KAZN: variants seen among roughly 807,000 people sequenced by gnomAD.
KAZN encodes kazrin, periplakin interacting protein.
A neutral mutation model predicts 87.4 loss-of-function variants in KAZN; 40 were observed. The ratio of observed to expected loss-of-function variants is 0.46; its 90% CI spans 0.36 to 0.60. The LOEUF (loss-of-function observed/expected upper bound fraction) is 0.60. Among genes scored for constraint, KAZN ranks in the 20% least tolerant of loss-of-function variants. KAZN has a pLI of 0.00. For synonymous variants in KAZN, 466 were observed against 458.3 expected (o/e 1.02, Z -0.22); for missense variants, 898 against 1,073.9 (o/e 0.84, Z 2.29).
chr1:14,177,541 A>G (rs1646105620), intron 1 of KAZN, among the ~76,000 whole-genome samples: 1 of 152,158 alleles, frequency 6.6e-6, no homozygotes, highest in Non-Finnish European at 1.5e-5. Context: ...TACATTGGCA[A>G]TTTCGGTTGG....
chr1:13,987,159 AT>A (rs926770509), intron 1 of KAZN, among the ~76,000 whole-genome samples: 16 of 150,110 alleles, frequency 1.1e-4, no homozygotes, highest in South Asian at 4.2e-4. Flanking sequence ...TTTTTGGTTA[AT>A]TTTTTTTTTA....
At chr1:14,510,614 G>T (rs1014580165) in intron 2 of KAZN, among the ~76,000 whole-genome samples, 1 of 152,192 alleles carries the variant, frequency 6.6e-6, no homozygotes, top group African/African-American at 2.4e-5. Context: ...TAAAGTCATT[G>T]AAGGGTCTTA....
chr1:14,583,695 T>G (rs1329206111), intron 2 of KAZN, among the ~76,000 whole-genome samples: 2 of 152,180 alleles, frequency 1.3e-5, no homozygotes, highest in Non-Finnish European at 2.9e-5. Context: ...CTTTAGTGGC[T>G]GATATTCCTG....
intron 2 of KAZN, among the ~76,000 whole-genome samples, chr1:14,458,003 T>C (rs931830951): frequency 1.3e-5 from 2 of 152,054 alleles, no homozygotes; most frequent in Admixed American, 6.6e-5. Flanking sequence ...TGTGTGTTTT[T>C]AGTAGAGTTA....
At chr1:14,077,196 A>G (rs1405131199) in intron 1 of KAZN, among the ~76,000 whole-genome samples, 1 of 152,008 alleles carries the variant, frequency 6.6e-6, no homozygotes, top group Admixed American at 6.6e-5. Context: ...TTCGTTCTTG[A>G]CAGTTCTTTG....
intron 1 of KAZN, among the ~76,000 whole-genome samples, chr1:14,146,300 C>T (rs1283135447): frequency 1.3e-5 from 2 of 151,522 alleles, no homozygotes; most frequent in Non-Finnish European, 2.9e-5. Context: ...TTTGGGAGGC[C>T]GAGGCAGGTG....
chr1:14,872,858 AGATGAATAGATGGGTG>A (rs1189190583), intron 1 of KAZN, among the ~76,000 whole-genome samples: 2 of 151,410 alleles, frequency 1.3e-5, no homozygotes, highest in Non-Finnish European at 2.9e-5. Flanking sequence ...ACGGATACAT[AGATGAATAGATGGGTG>A]GATGGATGGG....
intron 2 of KAZN, among the ~76,000 whole-genome samples, chr1:14,296,615 G>A (rs1490361565): frequency 6.9e-6 from 1 of 145,144 alleles, no homozygotes. Context: ...ATGTAGGGCT[G>A]AGTTTTTGTA....
At chr1:14,722,598 A>G (rs1053030) in intron 1 of KAZN, among the ~76,000 whole-genome samples, 26,554 of 152,146 alleles carry the variant, frequency 0.17, 2,571 homozygotes, top group Non-Finnish European at 0.21. Context: ...CCTTTGTAAA[A>G]TAAAATTTAC....
chr1:14,300,211 C>T (rs948180846), intron 2 of KAZN, among the ~76,000 whole-genome samples: 5 of 151,990 alleles, frequency 3.3e-5, no homozygotes, highest in African/African-American at 9.7e-5. Context: ...CTCGGAGCCT[C>T]GTTAGCATTT....
intron 2 of KAZN, among the ~76,000 whole-genome samples, chr1:14,414,343 GGA>G (rs1491122053): frequency 1.0e-5 from 1 of 99,836 alleles, no homozygotes; most frequent in Admixed American, 1.3e-4. Flanking sequence ...ATTTGTCATA[GGA>G]AAAAAAAAAA....
At chr1:14,313,645 T>C (rs926840791) in intron 2 of KAZN, among the ~76,000 whole-genome samples, 8 of 152,182 alleles carry the variant, frequency 5.3e-5, no homozygotes, top group African/African-American at 1.9e-4. Context: ...ATTAAGTGGT[T>C]TGACCTGCTT....
At chr1:14,723,474 G>A (rs890296259) in intron 1 of KAZN, among the ~76,000 whole-genome samples, 10 of 152,192 alleles carry the variant, frequency 6.6e-5, no homozygotes, top group East Asian at 5.8e-4. Flanking sequence ...TGGCCTCATC[G>A]AGACTCATGA....
intron 2 of KAZN, among the ~76,000 whole-genome samples, chr1:15,020,459 C>G (rs1290730956): frequency 6.6e-6 from 1 of 152,170 alleles, no homozygotes; most frequent in Non-Finnish European, 1.5e-5. Flanking sequence ...GGTAGCCTGT[C>G]GCTGACTTCT....
intron 2 of KAZN, among the ~76,000 whole-genome samples, chr1:14,430,639 T>G (rs995697328): frequency 2.6e-5 from 4 of 152,156 alleles, no homozygotes; most frequent in Non-Finnish European, 4.4e-5. Context: ...ATAGCTGGGT[T>G]GAGAAGACAC....
intron 1 of KAZN, among the ~76,000 whole-genome samples, chr1:13,972,797 T>C (rs1001838494): frequency 2.0e-5 from 3 of 152,210 alleles, no homozygotes; most frequent in Non-Finnish European, 4.4e-5. Flanking sequence ...TGTGTGTCTT[T>C]GGGAAAGTAA....
intron 1 of KAZN, among the ~76,000 whole-genome samples, chr1:14,044,947 G>C (rs1047987972): frequency 1.2e-4 from 19 of 152,120 alleles, no homozygotes; most frequent in Non-Finnish European, 2.5e-4. Context: ...GGGAAAACCA[G>C]TAGCCATATA....
chr1:14,560,437 G>C (rs1430997482), intron 2 of KAZN, among the ~76,000 whole-genome samples: 1 of 152,146 alleles, frequency 6.6e-6, no homozygotes, highest in Non-Finnish European at 1.5e-5. Context: ...AAATTAGCCA[G>C]GCGTGGTGGT....
intron 1 of KAZN, among the ~76,000 whole-genome samples, chr1:14,602,429 CT>C (rs1677052067): frequency 6.6e-6 from 1 of 152,148 alleles, no homozygotes; most frequent in African/African-American, 2.4e-5. Context: ...CAGAGGCTGC[CT>C]TTTGGGTCGG....
Sources: gnomAD v4.1 joint callset for allele counts (sites outside exome capture counted in the v4.1 genomes callset) on GRCh38, gnomAD v4.1.1 for gene constraint, MANE v1.5 for transcripts, NCBI Gene and HGNC (gene_info 2026-07-23, HGNC 2026-07-21) for gene names.